The following ADAP1 variants were observed in gnomAD, a reference collection of about 807,000 sequenced individuals.
ADAP1 encodes ArfGAP with dual PH domains 1.
In ADAP1, 31 loss-of-function variants were observed where a neutral mutation model predicts 54.9. That is an observed-to-expected ratio of 0.56 (90% CI 0.42 to 0.76). The LOEUF (loss-of-function observed/expected upper bound fraction) is 0.76. ADAP1 is among the 30% of genes least tolerant of loss of function. ADAP1 has a pLI of 0.00. For missense variants in ADAP1, 535 were observed against 512.4 expected (o/e 1.04, Z -0.42); for synonymous variants, 313 against 202.6 (o/e 1.55, Z -4.63).
chr7:919,942 G>A, intron 4 of ADAP1, 26 bp downstream of exon 4: 2 of 1,581,688 alleles, frequency 1.3e-6, no homozygotes, highest in Non-Finnish European at 1.7e-6. Flanking sequence ...TAGCCGGGAG[G>A]CCCCACCCCA....
chr7:924,830 G>T (rs1846327993), intron 3 of ADAP1, among the ~76,000 whole-genome samples: 1 of 152,052 alleles, frequency 6.6e-6, no homozygotes, highest in Admixed American at 6.5e-5. Context: ...AGAGCAGCTG[G>T]GGGCGGGGTG....
intron 6 of ADAP1, among the ~76,000 whole-genome samples, chr7:902,472 G>T (rs7794686): frequency 5.1e-5 from 2 of 38,938 alleles, no homozygotes; most frequent in African/African-American, 2.3e-4. Flanking sequence ...AAAAAAAAAA[G>T]AAAGAAAAGA....
chr7:909,304 AGC>A (rs1179360119), intron 4 of ADAP1, among the ~76,000 whole-genome samples: 12 of 35,318 alleles, frequency 3.4e-4, no homozygotes, highest in African/African-American at 3.4e-3. Flanking sequence ...TCCTCCCGAC[AGC>A]AGGCGCCAGC....
At chr7:950,592 C>T (rs1316011496) in intron 1 of ADAP1, among the ~76,000 whole-genome samples, 1 of 151,842 alleles carries the variant, frequency 6.6e-6, no homozygotes, top group African/African-American at 2.4e-5. Context: ...CACGGTGGCT[C>T]ATGCCTGTAA....
intron 8 of ADAP1, 132 bp from the exon 9 acceptor site, chr7:899,622 G>T: frequency 2.0e-6 from 2 of 1,019,124 alleles, no homozygotes; most frequent in Non-Finnish European, 1.4e-6. Context: ...CACGCCTGCC[G>T]CTGGCCACGC....
At position 898,511 on chromosome 7, in the gene ADAP1, C is replaced by A; in HGVS notation, c.*410G>T. On this transcript the variant is annotated 3_prime_UTR_variant, in exon 11 of 11. Coordinates refer to ENST00000265846, the MANE Select transcript of ADAP1 (RefSeq NM_006869.4). Reference sequence around the variant, plus strand: ...GGGCGGCATGCGAGCAGGGCCCAGTCCCCAGCGGCCGGCAGCTGCCCACCG... The same window carrying A: ...GGGCGGCATGCGAGCAGGGCCCAGTACCCAGCGGCCGGCAGCTGCCCACCG... The A allele has an allele frequency of 3.5e-6, 1 of 286,212 alleles. No homozygotes were observed. The highest frequency in any genetic ancestry group is 4.5e-5 in the Admixed American group (1 of 22,076). 17.7% of individuals were successfully genotyped at this position (286,212 alleles called of 1,614,324 possible).
intron 4 of ADAP1, among the ~76,000 whole-genome samples, chr7:919,674 A>AGGAG (rs1159401119): frequency 1.4e-5 from 1 of 72,278 alleles, no homozygotes; most frequent in Non-Finnish European, 2.6e-5. Flanking sequence ...GAGAGACAGA[A>AGGAG]GGAGGGAGAG....
intron 3 of ADAP1, among the ~76,000 whole-genome samples, chr7:921,975 C>T (rs1044238684): frequency 6.6e-6 from 1 of 152,208 alleles, no homozygotes; most frequent in East Asian, 1.9e-4. Flanking sequence ...CATCCCAGGG[C>T]CTGGCACAGA....
In ADAP1 at chr7:898,884, AGT is replaced by A. The variant is rs1562903730; in HGVS notation, c.*35_*36del. 2 of 1,578,300 alleles carry A rather than the reference AGT, an allele frequency of 1.3e-6. No homozygotes were observed. The highest frequency in any genetic ancestry group is 1.8e-5 in the Admixed American group (1 of 54,958). ...CCACGGGTCCCCTCCGTCCAGCCAC[AGT>A]GAGTCCAATGTCCGTGGTCCTCCAG... On this transcript the variant is annotated 3_prime_UTR_variant, in exon 11 of 11. Coordinates refer to ENST00000265846, the MANE Select transcript of ADAP1 (RefSeq NM_006869.4).
At chr7:915,982 ACTGT>A (rs1260447659) in intron 4 of ADAP1, among the ~76,000 whole-genome samples, 4 of 151,568 alleles carry the variant, frequency 2.6e-5, no homozygotes, top group Admixed American at 6.6e-5. Flanking sequence ...CCCACGAGAC[ACTGT>A]CTGCCACCTG....
chr7:905,608 GAGAAAGGAGAAAGGGAAAGGA>G (rs1845181210), intron 4 of ADAP1: 1 of 153,224 alleles, frequency 6.5e-6, no homozygotes, highest in African/African-American at 3.5e-5. Context: ...AAGGAGAAAG[GAGAAAGGAGAAAGGGAAAGGA>G]GAAAGGGAAA....
chr7:905,217 G>A lies in ADAP1; in HGVS notation c.389-45C>T, dbSNP rs200640500. Reference sequence around the variant, plus strand: ...CGAGTCGGTGACAGTGGATGGGGGGGAGGAAACAAAAGGAGTGACGATGGA... The same window carrying A: ...CGAGTCGGTGACAGTGGATGGGGGGAAGGAAACAAAAGGAGTGACGATGGA... On this transcript the variant is annotated intron_variant, in intron 4 of 10. Transcript: ENST00000265846. The A allele has an allele frequency of 9.4e-5, 140 of 1,493,432 alleles. No individual in the cohort carries two copies. In the Middle Eastern group the frequency reaches 1.4e-3, roughly 15 times the overall value. The allele number at this position is 1,493,432 out of a possible 1,614,324, so 92.5% of individuals were successfully genotyped here. A position where few individuals can be genotyped will look rare whatever the true frequency, so the allele number is the denominator to read the frequency against.
intron 2 of ADAP1, among the ~76,000 whole-genome samples, chr7:933,608 G>C (rs1453721107): frequency 1.1e-4 from 8 of 72,614 alleles, no homozygotes; most frequent in Non-Finnish European, 1.5e-4. Context: ...AGTGGTGCTG[G>C]AGAGCCGGGG....
Position 898,855 on chromosome 7 carries a change from C to A in ADAP1, c.*66G>T. Reference sequence around the variant, plus strand: ...GTGGCCTCAGGACGCCAGAGCCCCCCCATCCACGGGTCCCCTCCGTCCAGC... The same window carrying A: ...GTGGCCTCAGGACGCCAGAGCCCCCACATCCACGGGTCCCCTCCGTCCAGC... On this transcript the variant is annotated 3_prime_UTR_variant, in exon 11 of 11. Transcript: ENST00000265846. The A allele has an allele frequency of 6.4e-7, 1 of 1,552,060 alleles. No homozygotes were observed. The highest frequency in any genetic ancestry group is 8.7e-7 in the Non-Finnish European group (1 of 1,150,314).
chr7:929,022 G>C (rs188222364), intron 2 of ADAP1, among the ~76,000 whole-genome samples: 1 of 152,312 alleles, frequency 6.6e-6, no homozygotes, highest in Admixed American at 6.5e-5. Context: ...GGCCGGGCGC[G>C]GGGGCTCACG....
At chr7:943,143 TAGGAGGAAGAG>T (rs1847017176) in intron 1 of ADAP1, among the ~76,000 whole-genome samples, 1 of 16,368 alleles carries the variant, frequency 6.1e-5, no homozygotes, top group Non-Finnish European at 1.2e-4. Flanking sequence ...GAAGAGAGAG[TAGGAGGAAGAG>T]AGGAGGAGGA....
At chr7:954,730 C>A (rs1226089637), upstream of ADAP1, 28 of 980,292 alleles carry the variant, frequency 2.9e-5, no homozygotes, top group Non-Finnish European at 3.3e-5. Flanking sequence ...GCAAGGCCCG[C>A]GGGCGGCCCC....
chr7:933,402 A>G (rs1380769024), intron 2 of ADAP1, among the ~76,000 whole-genome samples: 1 of 152,192 alleles, frequency 6.6e-6, no homozygotes, highest in Non-Finnish European at 1.5e-5. Flanking sequence ...ACAAGCCTCC[A>G]GGTGTGACCC....
intron 3 of ADAP1, among the ~76,000 whole-genome samples, chr7:924,318 C>T (rs1368022643): frequency 6.0e-5 from 2 of 33,440 alleles, no homozygotes; most frequent in Non-Finnish European, 5.6e-5. Context: ...CTGCACCCCT[C>T]CCCCACCCTC....
Sources: gnomAD v4.1 joint callset for allele counts (sites outside exome capture counted in the v4.1 genomes callset) on GRCh38, gnomAD v4.1.1 for gene constraint, MANE v1.5 for transcripts, NCBI Gene and HGNC (gene_info 2026-07-23, HGNC 2026-07-21) for gene names.